ZNF892: variants seen among roughly 807,000 people sequenced by gnomAD.
The protein encoded by ZNF892 is zinc finger protein 892.
the ZNF892 span, among the ~76,000 whole-genome samples, chr2:95,209,985 A>G: frequency 6.6e-6 from 1 of 151,966 alleles, no homozygotes; most frequent in Non-Finnish European, 1.5e-5. Context: ...TTATGTCATT[A>G]TGTGCTTTGT....
chr2:95,257,195 G>T, the ZNF892 span, among the ~76,000 whole-genome samples: 1 of 152,146 alleles, frequency 6.6e-6, no homozygotes, highest in Non-Finnish European at 1.5e-5. Context: ...CCCCATATTT[G>T]TGGTTTTATC....
the ZNF892 span, among the ~76,000 whole-genome samples, chr2:95,210,376 G>A: frequency 6.6e-6 from 1 of 151,960 alleles, no homozygotes; most frequent in Non-Finnish European, 1.5e-5. Flanking sequence ...TTAAATTGTA[G>A]TTGCATAGAA....
the ZNF892 span, among the ~76,000 whole-genome samples, chr2:95,221,667 A>G: frequency 2.0e-5 from 3 of 152,070 alleles, no homozygotes; most frequent in South Asian, 6.2e-4. Context: ...TACTTGTTCT[A>G]TTTGAACTTA....
At chr2:95,211,759 T>A in the ZNF892 span, 2 of 398,344 alleles carry the variant, frequency 5.0e-6, no homozygotes, top group Non-Finnish European at 8.9e-6. Flanking sequence ...ATTTACCCAG[T>A]GTGGTACCTT....
At chr2:95,237,141 CTT>C in the ZNF892 span, among the ~76,000 whole-genome samples, 16 of 133,494 alleles carry the variant, frequency 1.2e-4, no homozygotes, top group South Asian at 2.5e-4. Flanking sequence ...GATCAGTGAG[CTT>C]TTTTTTTTTT....
the ZNF892 span, among the ~76,000 whole-genome samples, chr2:95,231,588 AAAAC>A: frequency 6.6e-6 from 1 of 152,230 alleles, no homozygotes; most frequent in Non-Finnish European, 1.5e-5. Context: ...CTCCAAGTGT[AAAAC>A]AAAAAGGAAG....
chr2:95,262,083 G>T, the ZNF892 span, among the ~76,000 whole-genome samples: 1 of 152,170 alleles, frequency 6.6e-6, no homozygotes, highest in African/African-American at 2.4e-5. Flanking sequence ...ACAACTTATG[G>T]ATATGTATTT....
the ZNF892 span, among the ~76,000 whole-genome samples, chr2:95,216,092 A>C: frequency 6.6e-6 from 1 of 152,202 alleles, no homozygotes; most frequent in Admixed American, 6.5e-5. Context: ...AAGGAAGTAG[A>C]GGGAAAGGAT....
the ZNF892 span, among the ~76,000 whole-genome samples, chr2:95,244,355 AT>A: frequency 9.6e-5 from 14 of 145,710 alleles, no homozygotes; most frequent in African/African-American, 3.3e-4. Flanking sequence ...AAAAAAAAAA[AT>A]TTATCAAACC....
the ZNF892 span, among the ~76,000 whole-genome samples, chr2:95,252,139 G>T: frequency 1.3e-5 from 2 of 151,994 alleles, no homozygotes; most frequent in Admixed American, 6.6e-5. Flanking sequence ...CAATGTGCAG[G>T]TTTGTTACAT....
chr2:95,253,836 C>T, the ZNF892 span, among the ~76,000 whole-genome samples: 8 of 152,154 alleles, frequency 5.3e-5, no homozygotes, highest in African/African-American at 1.7e-4. Flanking sequence ...ATTTTATTCT[C>T]TTTCAAGCAA....
chr2:95,240,703 A>G, the ZNF892 span, among the ~76,000 whole-genome samples: 2 of 152,248 alleles, frequency 1.3e-5, no homozygotes, highest in African/African-American at 4.8e-5. Context: ...GATAAGACCC[A>G]CTGGTTTGGA....
chr2:95,232,957 G>T, the ZNF892 span, among the ~76,000 whole-genome samples: 1 of 152,096 alleles, frequency 6.6e-6, no homozygotes, highest in Admixed American at 6.6e-5. Context: ...TTGGCAAAAG[G>T]CACCTGAAAT....
the ZNF892 span, among the ~76,000 whole-genome samples, chr2:95,232,754 G>A: frequency 8.4e-5 from 2 of 23,848 alleles, no homozygotes; most frequent in African/African-American, 5.5e-4. Flanking sequence ...CTTAGCACAT[G>A]TTTGTACCCT....
At chr2:95,227,972 G>A in the ZNF892 span, among the ~76,000 whole-genome samples, 71 of 152,252 alleles carry the variant, frequency 4.7e-4, no homozygotes, top group Non-Finnish European at 9.9e-4. Flanking sequence ...CAAGATTACT[G>A]TCTAACACAC....
the ZNF892 span, among the ~76,000 whole-genome samples, chr2:95,245,453 G>T: frequency 1.2e-4 from 11 of 91,020 alleles, no homozygotes; most frequent in East Asian, 5.1e-4. Context: ...GAGACGGCGG[G>T]GGGGGGGGGG....
chr2:95,206,414 T>C, the ZNF892 span, among the ~76,000 whole-genome samples: 2 of 152,210 alleles, frequency 1.3e-5, no homozygotes, highest in Non-Finnish European at 2.9e-5. Context: ...CTCAAAATTC[T>C]TTCGGCCCCG....
At chr2:95,248,364 A>G in the ZNF892 span, among the ~76,000 whole-genome samples, 1 of 152,134 alleles carries the variant, frequency 6.6e-6, no homozygotes, top group Non-Finnish European at 1.5e-5. Context: ...GAGAGAGGCA[A>G]GGGTTGAAAA....
At chr2:95,238,225 G>A in the ZNF892 span, among the ~76,000 whole-genome samples, 1 of 152,182 alleles carries the variant, frequency 6.6e-6, no homozygotes, top group Non-Finnish European at 1.5e-5. Flanking sequence ...TCTCTTGTTA[G>A]GGCTAATGCA....
Sources: gnomAD v4.1 joint callset for allele counts (sites outside exome capture counted in the v4.1 genomes callset) on GRCh38, gnomAD v4.1.1 for gene constraint, MANE v1.5 for transcripts, NCBI Gene and HGNC (gene_info 2026-07-23, HGNC 2026-07-21) for gene names.